JMY: variants seen among roughly 807,000 people sequenced by gnomAD.
JMY encodes the protein junction-mediating and -regulatory protein.
In JMY, 46 loss-of-function variants were observed where a neutral mutation model predicts 103.3. The observed-to-expected ratio is 0.45, with a 90% CI of 0.35 to 0.57. The LOEUF is 0.57. Ranked by LOEUF, JMY falls within the 20% of genes least tolerant of loss-of-function variation. The pLI is 0.00. For missense variants in JMY, 1,238 were observed against 1,255.2 expected (o/e 0.99, Z 0.21); for synonymous variants, 526 against 489.3 (o/e 1.07, Z -0.99).
At chr5:79,274,781 G>T in intron 1 of JMY, among the ~76,000 whole-genome samples, 1 of 152,120 alleles carries the variant, frequency 6.6e-6, no homozygotes, top group East Asian at 1.9e-4. Context: ...TTATATAATA[G>T]ACATTGTGAA....
chr5:79,301,155 C>G (rs868754543), intron 6 of JMY, among the ~76,000 whole-genome samples: 1 of 152,068 alleles, frequency 6.6e-6, no homozygotes, highest in Non-Finnish European at 1.5e-5. Context: ...GGAGGCCCAG[C>G]GATGTTTTTT....
chr5:79,306,371 A>G lies in JMY; in HGVS notation c.1882-4A>G. The G allele has an allele frequency of 6.2e-7, 1 of 1,600,352 alleles. No individual in the cohort carries two copies. The highest frequency in any genetic ancestry group is 8.6e-7 in the Non-Finnish European group (1 of 1,167,898). ...GTATTAAAACACATTTTATGTATTT[A>G]CAGGAAATATGTATTGCAAAACACA... is the stretch of plus-strand genomic sequence containing the variant. On this transcript the variant is annotated splice_polypyrimidine_tract_variant and splice_region_variant and intron_variant, in intron 6 of 10. Transcript: ENST00000396137.
At chr5:79,260,561 T>C (rs927454605) in intron 1 of JMY, among the ~76,000 whole-genome samples, 1 of 151,618 alleles carries the variant, frequency 6.6e-6, no homozygotes, top group African/African-American at 2.4e-5. Flanking sequence ...TTGTGGGTTT[T>C]TTTTTTTTTT....
chr5:79,304,185 G>A lies in JMY; in HGVS notation c.1882-2190G>A, dbSNP rs948548010. On this transcript the variant is annotated intron_variant, in intron 6 of 10. Transcript: ENST00000396137. The stretch of plus-strand genomic sequence containing the variant: ...CTTGTGTGCCTGTACCCCAAGCCCA[G>A]CAACTGAGGTGGCAGAACTGCAGAG... 2.0e-5 allele frequency among the ~76,000 whole-genome samples: 3 copies of A among 152,140 alleles called. No individual in the cohort carries two copies. The South Asian group carries it at 6.2e-4, about 32-fold the overall frequency.
intron 1 of JMY, among the ~76,000 whole-genome samples, chr5:79,273,152 T>C (rs1046483999): frequency 2.6e-5 from 4 of 152,232 alleles, no homozygotes; most frequent in Non-Finnish European, 5.9e-5. Flanking sequence ...TTTATTCCTT[T>C]ATGAAAATCT....
In JMY at chr5:79,316,004, C is replaced by G. The variant is rs1747205444; in HGVS notation, c.2664C>G (p.Ser888Arg). The G allele has an allele frequency of 3.1e-6, 5 of 1,612,834 alleles. No individual in the cohort carries two copies. Among genetic ancestry groups the G allele is most frequent in the Non-Finnish European group, 4.2e-6 (5 of 1,179,230 alleles). The change falls in exon 10 of 11, where the codon AGC becomes AGG. Residue 888 changes from serine (S) to arginine (R), a missense_variant. By Grantham distance (110) the Ser-to-Arg change is moderately radical. Transcript: ENST00000396137. ...TAEGLQRRRV[S>R]SPMDEVLASL... ...GTTCTGTTTCATTTTCCAAAGTGAGCTCACCCATGGATGAGGTGCTAGCCT... is the reference window on the plus strand; with the variant it reads ...GTTCTGTTTCATTTTCCAAAGTGAGGTCACCCATGGATGAGGTGCTAGCCT...
chr5:79,268,726 G>A (rs1161116869), intron 1 of JMY, among the ~76,000 whole-genome samples: 1 of 152,054 alleles, frequency 6.6e-6, no homozygotes, highest in Non-Finnish European at 1.5e-5. Context: ...TTGACCTTAT[G>A]ATCCACCCGC....
At chr5:79,254,399 G>A (rs1561291106) in intron 1 of JMY, among the ~76,000 whole-genome samples, 2 of 152,104 alleles carry the variant, frequency 1.3e-5, no homozygotes, top group African/African-American at 2.4e-5. Flanking sequence ...TCTCCTTCAA[G>A]TTTGAAAGGA....
At chr5:79,301,827 C>CT (rs1407377996) in intron 6 of JMY, among the ~76,000 whole-genome samples, 1 of 152,190 alleles carries the variant, frequency 6.6e-6, no homozygotes. Flanking sequence ...TGGCTCATGC[C>CT]TGTAATCCCA....
At chr5:79,297,058 G>A (rs1319114877) in intron 4 of JMY, among the ~76,000 whole-genome samples, 4 of 151,970 alleles carry the variant, frequency 2.6e-5, no homozygotes, top group African/African-American at 7.3e-5. Flanking sequence ...ATATTTTTCC[G>A]TCTTTTTGGG....
chr5:79,248,898 A>G (rs2112049906), intron 1 of JMY, among the ~76,000 whole-genome samples: 1 of 152,208 alleles, frequency 6.6e-6, no homozygotes, highest in African/African-American at 2.4e-5. Flanking sequence ...AGCTGGAACT[A>G]CAGGTGTGTA....
chr5:79,256,404 G>A (rs1389195748), intron 1 of JMY, among the ~76,000 whole-genome samples: 2 of 152,022 alleles, frequency 1.3e-5, no homozygotes, highest in Non-Finnish European at 1.5e-5. Context: ...GGGACCCCAT[G>A]AGCCCACTTG....
chr5:79,256,265 C>G (rs1403465493), intron 1 of JMY, among the ~76,000 whole-genome samples: 1 of 152,164 alleles, frequency 6.6e-6, no homozygotes, highest in Non-Finnish European at 1.5e-5. Context: ...CCCAAGGGCT[C>G]TTAAGTCAGT....
At chr5:79,289,398 G>A (rs189752812) in intron 2 of JMY, among the ~76,000 whole-genome samples, 1 of 151,756 alleles carries the variant, frequency 6.6e-6, no homozygotes, top group African/African-American at 2.4e-5. Context: ...TCCTAATAAA[G>A]TTGTCATTGG....
chr5:79,256,381 A>G (rs1450457423), intron 1 of JMY, among the ~76,000 whole-genome samples: 1 of 152,050 alleles, frequency 6.6e-6, no homozygotes, highest in Non-Finnish European at 1.5e-5. Context: ...CCAAGAGTCA[A>G]GTCCTGGAAT....
intron 6 of JMY, among the ~76,000 whole-genome samples, chr5:79,304,147 C>G (rs987885782): frequency 1.3e-5 from 2 of 152,154 alleles, no homozygotes; most frequent in African/African-American, 4.8e-5. Flanking sequence ...CTTGGAGAAT[C>G]TCTCCATTTA....
At chr5:79,268,526 C>T (rs1290681958) in intron 1 of JMY, among the ~76,000 whole-genome samples, 2 of 152,010 alleles carry the variant, frequency 1.3e-5, no homozygotes, top group Non-Finnish European at 2.9e-5. Flanking sequence ...CTCGCTCTGT[C>T]GCCCAGGCTG....
chr5:79,296,096 T>C (rs1746555326), intron 4 of JMY, among the ~76,000 whole-genome samples: 1 of 152,166 alleles, frequency 6.6e-6, no homozygotes, highest in African/African-American at 2.4e-5. Context: ...TTTTTTTAGA[T>C]TTTAGAAAGG....
chr5:79,256,120 G>A (rs1451047306), intron 1 of JMY, among the ~76,000 whole-genome samples: 1 of 152,228 alleles, frequency 6.6e-6, no homozygotes, highest in Non-Finnish European at 1.5e-5. Context: ...TTGTATGGCA[G>A]CTGAGCTGGC....
Sources: gnomAD v4.1 joint callset for allele counts (sites outside exome capture counted in the v4.1 genomes callset) on GRCh38, gnomAD v4.1.1 for gene constraint, MANE v1.5 for transcripts, NCBI Gene and HGNC (gene_info 2026-07-23, HGNC 2026-07-21) for gene names.